FIP1L1: variants seen among roughly 807,000 people sequenced by gnomAD.
The protein encoded by FIP1L1 is factor interacting with PAPOLA and CPSF1.
Under a neutral mutation model 84.6 loss-of-function variants are expected in FIP1L1, and 21 were observed. That is an observed-to-expected ratio of 0.25 (90% CI 0.18 to 0.36). FIP1L1 has a LOEUF of 0.36. Among genes scored for constraint, FIP1L1 ranks in the 10% least tolerant of loss-of-function variants. FIP1L1 has a pLI of 1.00. For synonymous variants in FIP1L1, 263 were observed against 242.3 expected, an observed-to-expected ratio of 1.09 and a Z score of -0.80; for missense variants, 526 against 751.1, an observed-to-expected ratio of 0.70 and a Z score of 3.50.
Position 53,443,986 on chromosome 4 carries a change from A to G in FIP1L1, c.1230-62A>G, listed in dbSNP as rs559641714. ...TTTGCCTTGTTTTTCCTTTTGTACT[A>G]CATTATTAAAATTCAGAACTTATTT... On this transcript the variant is annotated intron_variant, in intron 14 of 17. Transcript: ENST00000337488. The G allele has an allele frequency of 2.1e-5, 25 of 1,175,060 alleles. No homozygotes were observed. The Middle Eastern group carries it at 6.1e-4, about 29-fold the overall frequency. 72.8% of individuals were successfully genotyped at this position (1,175,060 alleles called of 1,614,324 possible). A position where few individuals can be genotyped will look rare whatever the true frequency, so the allele number is the denominator to read the frequency against.
intron 5 of FIP1L1, among the ~76,000 whole-genome samples, chr4:53,384,671 A>G (rs1330877290): frequency 6.6e-6 from 1 of 152,194 alleles, no homozygotes; most frequent in East Asian, 1.9e-4. Flanking sequence ...GACCAAGTAA[A>G]TGGACTGTCA....
At position 53,459,786 on chromosome 4, in the gene FIP1L1, T is replaced by TTTTG. The variant is rs1368102079; in HGVS notation, c.*340_*343dup. 9.4e-6 allele frequency: 3 copies of TTTTG among 320,504 alleles called. No individual in the cohort carries two copies. The highest frequency in any genetic ancestry group is 1.7e-5 in the Non-Finnish European group (3 of 171,798). 19.9% of individuals were successfully genotyped at this position (320,504 alleles called of 1,614,324 possible). A position where few individuals can be genotyped will look rare whatever the true frequency, so the allele number is the denominator to read the frequency against. ...AAGGGTTCCACTTGGGCCACAGTTT[T>TTTTG]TTTGTTAATCAAACACCACTCTCTT... On this transcript the variant is annotated 3_prime_UTR_variant, in exon 18 of 18. Coordinates refer to ENST00000337488, the MANE Select transcript of FIP1L1 (RefSeq NM_030917.4).
intron 10 of FIP1L1, among the ~76,000 whole-genome samples, chr4:53,404,344 C>T (rs1265958463): frequency 6.6e-6 from 1 of 151,894 alleles, no homozygotes; most frequent in Non-Finnish European, 1.5e-5. Context: ...ATGAACTCAT[C>T]ATTTTTTTAT....
At chr4:53,442,382 C>G (rs1027461825) in intron 13 of FIP1L1, 8 of 323,730 alleles carry the variant, frequency 2.5e-5, no homozygotes, top group African/African-American at 1.7e-4. Context: ...CTCATACTTA[C>G]AAAATGGGCT....
intron 11 of FIP1L1, among the ~76,000 whole-genome samples, chr4:53,417,411 G>A (rs1391924324): frequency 6.6e-6 from 1 of 152,104 alleles, no homozygotes; most frequent in Non-Finnish European, 1.5e-5. Flanking sequence ...GGAGGCCGAG[G>A]CAGGCAGATC....
At chr4:53,427,790 T>A (rs1051942727) in intron 12 of FIP1L1, among the ~76,000 whole-genome samples, 1 of 152,212 alleles carries the variant, frequency 6.6e-6, no homozygotes, top group Non-Finnish European at 1.5e-5. Context: ...ATGATCCAGT[T>A]GTTTTTTCTT....
chr4:53,402,404 A>G (rs955639676), intron 10 of FIP1L1, among the ~76,000 whole-genome samples: 9 of 152,084 alleles, frequency 5.9e-5, no homozygotes, highest in South Asian at 2.1e-4. Context: ...CAAAACAAAG[A>G]AAAAAACAGC....
At chr4:53,444,293 G>A (rs1009895083) in intron 15 of FIP1L1, among the ~76,000 whole-genome samples, 190 bp downstream of exon 15, 2 of 152,162 alleles carry the variant, frequency 1.3e-5, no homozygotes, top group Admixed American at 1.3e-4. Flanking sequence ...TATCAACTGT[G>A]CTTTTAAAAT....
chr4:53,420,835 C>T (rs1375877717), intron 11 of FIP1L1, among the ~76,000 whole-genome samples: 2 of 152,048 alleles, frequency 1.3e-5, no homozygotes, highest in Non-Finnish European at 2.9e-5. Context: ...CAATGATATT[C>T]TTATGTTGAT....
chr4:53,458,011 C>T (rs1003115307), intron 16 of FIP1L1, among the ~76,000 whole-genome samples: 3 of 152,090 alleles, frequency 2.0e-5, no homozygotes, highest in African/African-American at 7.2e-5. Flanking sequence ...ATGTAGCCCC[C>T]CTGCCCACAC....
At chr4:53,426,869 T>A (rs1159621234) in intron 12 of FIP1L1, among the ~76,000 whole-genome samples, 1 of 152,164 alleles carries the variant, frequency 6.6e-6, no homozygotes, top group Admixed American at 6.5e-5. Context: ...TATCAGTAAG[T>A]TGGATAATTA....
At chr4:53,391,172 T>TC in intron 8 of FIP1L1, 33 bp downstream of exon 8, 1 of 1,579,156 alleles carries the variant, frequency 6.3e-7, no homozygotes, top group East Asian at 2.2e-5. Context: ...TACCCTTGGC[T>TC]TGTCTACCGT....
At chr4:53,391,538 T>C in intron 9 of FIP1L1, 40 bp downstream of exon 9, 1 of 1,467,354 alleles carries the variant, frequency 6.8e-7, no homozygotes, top group Non-Finnish European at 9.5e-7. Flanking sequence ...TCTCATTTTT[T>C]GTTCTTGAGT....
intron 11 of FIP1L1, among the ~76,000 whole-genome samples, chr4:53,420,285 A>T (rs1162001766): frequency 6.7e-6 from 1 of 149,948 alleles, no homozygotes; most frequent in African/African-American, 2.5e-5. Flanking sequence ...AAAAAAAAAT[A>T]GCTGGGCGTG....
intron 11 of FIP1L1, among the ~76,000 whole-genome samples, chr4:53,422,525 A>C (rs1051340755): frequency 2.0e-5 from 3 of 152,022 alleles, no homozygotes; most frequent in African/African-American, 7.2e-5. Context: ...AAATATATAT[A>C]AAGTATTTAG....
At chr4:53,395,903 A>G (rs2149442841) in intron 9 of FIP1L1, among the ~76,000 whole-genome samples, 1 of 146,352 alleles carries the variant, frequency 6.8e-6, no homozygotes, top group East Asian at 2.0e-4. Flanking sequence ...CTTAATTGGC[A>G]TAACTGTATT....
chr4:53,378,052 C>G, intron 1 of FIP1L1, 129 bp downstream of exon 1: 1 of 819,932 alleles, frequency 1.2e-6, no homozygotes, highest in Non-Finnish European at 1.8e-6. Flanking sequence ...TCCGGCCTGA[C>G]TTAGGCCGAG....
chr4:53,454,532 A>G (rs902371091), intron 16 of FIP1L1, among the ~76,000 whole-genome samples: 9 of 152,208 alleles, frequency 5.9e-5, no homozygotes, highest in African/African-American at 1.9e-4. Flanking sequence ...GAGTATTACT[A>G]TTGTTAGGAA....
chr4:53,411,069 C>G (rs1194375711), intron 10 of FIP1L1, among the ~76,000 whole-genome samples: 1 of 152,076 alleles, frequency 6.6e-6, no homozygotes, highest in African/African-American at 2.4e-5. Flanking sequence ...GTTTCTCTGA[C>G]TCTTGTTAGG....
Sources: allele counts gnomAD v4.1 joint callset (sites outside exome capture counted in the v4.1 genomes callset), GRCh38; gene constraint gnomAD v4.1.1; transcripts MANE v1.5; gene names NCBI Gene and HGNC (gene_info 2026-07-23, HGNC 2026-07-21).